The following TMEM230 variants were observed in gnomAD, a reference collection of about 807,000 sequenced individuals.
TMEM230 encodes the protein transmembrane protein 230.
Under a neutral mutation model 15.8 loss-of-function variants are expected in TMEM230, and 10 were observed. That is an observed-to-expected ratio of 0.63 (90% CI 0.39 to 1.07). The LOEUF is 1.07. Ranked by LOEUF, TMEM230 falls within the 50% of genes least tolerant of loss-of-function variation. The pLI is 0.01. For missense variants in TMEM230, 165 were observed against 193.3 expected, an observed-to-expected ratio of 0.85 and a Z score of 0.87; for synonymous variants, 67 against 76.9, an observed-to-expected ratio of 0.87 and a Z score of 0.68.
intron 3 of TMEM230, among the ~76,000 whole-genome samples, chr20:5,083,776 GTCTT>G (rs1344301042): frequency 2.0e-5 from 3 of 152,172 alleles, no homozygotes; most frequent in Non-Finnish European, 4.4e-5. Context: ...ATTACCTACA[GTCTT>G]TCTTCAATGT....
At chr20:5,070,366 T>C (rs942110050) in intron 3 of TMEM230, among the ~76,000 whole-genome samples, 1 of 152,144 alleles carries the variant, frequency 6.6e-6, no homozygotes, top group Non-Finnish European at 1.5e-5. Flanking sequence ...AGATCCCACA[T>C]GAAAACTGCT....
chr20:5,093,398 C>T (rs568073819), intron 3 of TMEM230, among the ~76,000 whole-genome samples: 1 of 152,074 alleles, frequency 6.6e-6, no homozygotes, highest in South Asian at 2.1e-4. Context: ...CAGGCACATG[C>T]CACCATACCT....
At chr20:5,073,592 C>G (rs2088896114) in intron 3 of TMEM230, among the ~76,000 whole-genome samples, 1 of 152,196 alleles carries the variant, frequency 6.6e-6, no homozygotes, top group African/African-American at 2.4e-5. Flanking sequence ...GGTGCCAGCT[C>G]AGACGCCAGA....
chr20:5,098,790 T>C (rs934528667), downstream of TMEM230, among the ~76,000 whole-genome samples: 4 of 151,720 alleles, frequency 2.6e-5, no homozygotes, highest in African/African-American at 7.3e-5. Flanking sequence ...TGGAAAGATA[T>C]ACAAAATAGA....
rs769090802 is a variant in TMEM230, at chr20:5,109,422, C to T, written c.198G>A (p.Pro66=). 15 of 1,613,656 alleles carry T rather than the reference C, an allele frequency of 9.3e-6. No homozygotes were observed. The highest frequency in any genetic ancestry group is 5.0e-5 in the Admixed American group (3 of 59,964). The change falls in exon 3 of 5, where the codon CCG becomes CCA. Residue 66 remains proline (P), a synonymous_variant. Coordinates refer to ENST00000342308, the MANE Select transcript of TMEM230 (RefSeq NM_001009923.2). ...TTCCAGTAGCCAGGTTGGTACGGGACGGCATCATAACACGCTGACACAGCT... is the reference window on the plus strand; with the variant it reads ...TTCCAGTAGCCAGGTTGGTACGGGATGGCATCATAACACGCTGACACAGCT...
In TMEM230 at chr20:5,101,105, CA is replaced by C. The variant is rs199779054; in HGVS notation, c.412-175del. Among the ~76,000 whole-genome samples the C allele has an allele frequency of 0.017, 2,627 of 152,238 alleles. 76 individuals are homozygous for C. Among genetic ancestry groups the C allele is most frequent in the African/African-American group, 0.059 (2,469 of 41,532 alleles). ...CTGATTATAAATTGAAGACAAACTA[CA>C]AAATATTAACAATTATAAAGAAAAA... On this transcript the variant is annotated intron_variant, in intron 4 of 4. Coordinates refer to ENST00000342308, the MANE Select transcript of TMEM230 (RefSeq NM_001009923.2).
intron 3 of TMEM230, among the ~76,000 whole-genome samples, chr20:5,087,838 G>A (rs532876492): frequency 5.1e-4 from 76 of 148,918 alleles, no homozygotes; most frequent in Non-Finnish European, 1.0e-3. Flanking sequence ...GATTACAGGC[G>A]TGTACCACCA....
chr20:5,109,479 T>G, intron 2 of TMEM230, 34 bp from the exon 2 acceptor site: 1 of 1,502,982 alleles, frequency 6.7e-7, no homozygotes, highest in Non-Finnish European at 9.2e-7. Context: ...CGTTATTGTC[T>G]GTAGATGACA....
chr20:5,111,474 TG>T, intron 2 of TMEM230: 1 of 191,800 alleles, frequency 5.2e-6, no homozygotes, highest in Non-Finnish European at 1.1e-5. Flanking sequence ...CCGGGCATGG[TG>T]GTGGGTGCCT....
At chr20:5,070,772 C>G (rs756961858) in intron 3 of TMEM230, among the ~76,000 whole-genome samples, 10 of 152,264 alleles carry the variant, frequency 6.6e-5, no homozygotes, top group Non-Finnish European at 1.5e-4. Context: ...TTGGTTGGTT[C>G]TTTATTTTGC....
rs780912820 is a variant in TMEM230, at chr20:5,113,058, G to A, written c.-30C>T. 22 of 1,541,352 alleles carry A rather than the reference G, an allele frequency of 1.4e-5. No individual in the cohort carries two copies. The highest frequency in any genetic ancestry group is 1.1e-4 in the South Asian group (9 of 83,900). On this transcript the variant is annotated 5_prime_UTR_variant, in exon 1 of 5. Coordinates refer to ENST00000342308, the MANE Select transcript of TMEM230 (RefSeq NM_001009923.2). The stretch of plus-strand genomic sequence containing the variant: ...TGGCCCGCTTAAGTGCCACTCAGCC[G>A]GCCCCAGGCGGGATCAGTGCGCCGG...
chr20:5,067,410 C>CATGTATAT (rs2088678704), downstream of TMEM230: 3 of 102,314 alleles, frequency 2.9e-5, no homozygotes, highest in Non-Finnish European at 4.0e-5. Flanking sequence ...TGTTTAGGCT[C>CATGTATAT]ATATATATAT....
At chr20:5,107,205 G>A (rs576768216) in intron 3 of TMEM230, among the ~76,000 whole-genome samples, 1 of 152,326 alleles carries the variant, frequency 6.6e-6, no homozygotes, top group East Asian at 1.9e-4. Context: ...GGGACGCTAA[G>A]CTGGGAGGAT....
intron 4 of TMEM230, among the ~76,000 whole-genome samples, chr20:5,103,472 C>G (rs1192891356): frequency 6.6e-6 from 1 of 151,450 alleles, no homozygotes; most frequent in Non-Finnish European, 1.5e-5. Flanking sequence ...TCAGCCTGGG[C>G]AACACGGCAA....
intron 3 of TMEM230, among the ~76,000 whole-genome samples, chr20:5,082,922 G>GTTTTTT (rs140284230): frequency 2.4e-5 from 3 of 127,254 alleles, no homozygotes; most frequent in African/African-American, 5.9e-5. Context: ...TCTTCATATT[G>GTTTTTT]TTTTTTTTTT....
chr20:5,060,213 T>G, the TMEM230 span, among the ~76,000 whole-genome samples: 1 of 150,846 alleles, frequency 6.6e-6, no homozygotes, highest in Non-Finnish European at 1.5e-5. Flanking sequence ...CACCCAGCCC[T>G]GTTACCTTAC....
downstream of TMEM230, chr20:5,067,413 ATATATATATATATATATATATAT>A (rs1568475785): frequency 2.2e-3 from 10 of 4,594 alleles, no homozygotes; most frequent in Non-Finnish European, 3.0e-3. Flanking sequence ...TTAGGCTCAT[ATATATATATATATATATATATAT>A]ATATATATAT....
At chr20:5,095,598 C>T (rs1275027511), downstream of TMEM230, among the ~76,000 whole-genome samples, 1 of 152,182 alleles carries the variant, frequency 6.6e-6, no homozygotes, top group Non-Finnish European at 1.5e-5. Flanking sequence ...TGCCCCCACA[C>T]CCAGGGCCAC....
At chr20:5,090,001 A>G (rs2089462054) in intron 3 of TMEM230, among the ~76,000 whole-genome samples, 1 of 152,148 alleles carries the variant, frequency 6.6e-6, no homozygotes, top group Non-Finnish European at 1.5e-5. Context: ...GGGTGGCAGA[A>G]GACTCCATCT....
Sources: gnomAD v4.1 joint callset for allele counts (sites outside exome capture counted in the v4.1 genomes callset) on GRCh38, gnomAD v4.1.1 for gene constraint, MANE v1.5 for transcripts, NCBI Gene and HGNC (gene_info 2026-07-23, HGNC 2026-07-21) for gene names.